The following SCN1A variants were observed in gnomAD, a reference collection of about 807,000 sequenced individuals.
SCN1A encodes sodium channel protein type 1 subunit alpha.
SCN1A carries 13 observed loss-of-function variants against 193.7 expected under a neutral mutation model. The observed-to-expected ratio is 0.07, with a 90% CI of 0.04 to 0.11. The LOEUF (loss-of-function observed/expected upper bound fraction) is 0.11, where lower values mean the gene tolerates loss of function less well. Ranked by LOEUF, SCN1A falls within the 10% of genes least tolerant of loss-of-function variation. The pLI is 1.00. For missense variants in SCN1A, 1,432 were observed against 2,451.1 expected, an observed-to-expected ratio of 0.58 and a Z score of 8.78; for synonymous variants, 781 against 843.6, an observed-to-expected ratio of 0.93 and a Z score of 1.29.
Position 166,023,781 on chromosome 2 carries a change from G to GTT in SCN1A, c.3430-8056_3430-8055dup, listed in dbSNP as rs1440246951. Among the ~76,000 whole-genome samples the GTT allele has an allele frequency of 1.5e-3, 217 of 145,996 alleles. 2 individuals carry two copies. The highest frequency in any genetic ancestry group is 5.0e-3 in the African/African-American group (200 of 39,986). On this transcript the variant is annotated intron_variant, in intron 19 of 28. Coordinates refer to ENST00000674923, the MANE Select transcript of SCN1A (RefSeq NM_001165963.4). ...ACTAAAAAAAAGAAAAAAAAATGATGTTTTTTTTTTTGATACGGAGTTTCG... is the reference window on the plus strand; with the variant it reads ...ACTAAAAAAAAGAAAAAAAAATGATGTTTTTTTTTTTTTGATACGGAGTTTCG...
intron 4 of SCN1A, among the ~76,000 whole-genome samples, chr2:166,068,698 A>G (rs539717105): frequency 1.3e-5 from 2 of 152,328 alleles, no homozygotes; most frequent in African/African-American, 4.8e-5. Flanking sequence ...TGAAATCACA[A>G]ATTCATATAT....
At chr2:166,101,559 C>T (rs546582883) in intron 2 of SCN1A, among the ~76,000 whole-genome samples, 11 of 150,280 alleles carry the variant, frequency 7.3e-5, no homozygotes, top group Non-Finnish European at 1.6e-4. Flanking sequence ...GAAGAGAGAA[C>T]CCAGAAATAA....
chr2:166,140,486 A>T (rs1692036320), intron 1 of SCN1A, among the ~76,000 whole-genome samples: 1 of 152,120 alleles, frequency 6.6e-6, no homozygotes, highest in African/African-American at 2.4e-5. Flanking sequence ...GCAAATGGAG[A>T]TCTTCCTTCT....
In SCN1A at chr2:165,991,820, C is replaced by T. The variant is rs775570109; in HGVS notation, c.5455G>A (p.Ala1819Thr). Reference protein sequence around the residue: ...YEVWEKFDPDATQFMEFEKLS... With the variant: ...YEVWEKFDPDTTQFMEFEKLS... ...TTTTCAAATTCCATGAACTGAGTTGCATCGGGATCAAACTTCTCCCAAACC... is the reference window on the plus strand; with the variant it reads ...TTTTCAAATTCCATGAACTGAGTTGTATCGGGATCAAACTTCTCCCAAACC... Residue 1819 changes from alanine (A) to threonine (T), a missense_variant, in exon 29 of 29, where the codon GCA becomes ACA. By Grantham distance (58) the Ala-to-Thr change is moderately conservative. Transcript: ENST00000674923. The T allele has an allele frequency of 1.2e-6, 2 of 1,613,934 alleles. No individual in the cohort carries two copies. Among genetic ancestry groups the T allele is most frequent in the Admixed American group, 1.7e-5 (1 of 59,976 alleles).
chr2:166,115,083 G>A (rs1353404540), intron 2 of SCN1A, among the ~76,000 whole-genome samples: 1 of 152,068 alleles, frequency 6.6e-6, no homozygotes, highest in Non-Finnish European at 1.5e-5. Context: ...GCCTCAAAAT[G>A]AGCTAGGCAC....
At chr2:166,102,257 G>A (rs1278946456) in intron 2 of SCN1A, among the ~76,000 whole-genome samples, 1 of 152,214 alleles carries the variant, frequency 6.6e-6, no homozygotes, top group Non-Finnish European at 1.5e-5. Context: ...AGCACTTTGG[G>A]AGGTTGAGGC....
intron 1 of SCN1A, among the ~76,000 whole-genome samples, chr2:166,144,747 T>C (rs956963375): frequency 5.9e-5 from 9 of 152,138 alleles, no homozygotes; most frequent in Non-Finnish European, 8.8e-5. Context: ...GAACGAGAAG[T>C]GAATTTGGCA....
At chr2:166,055,200 T>TC (rs954415206) in intron 6 of SCN1A, among the ~76,000 whole-genome samples, 3 of 151,488 alleles carry the variant, frequency 2.0e-5, no homozygotes, top group African/African-American at 7.3e-5. Flanking sequence ...GTGTTTTTTT[T>TC]TTTCTACAAG....
chr2:166,113,321 G>C (rs762556277), intron 2 of SCN1A, among the ~76,000 whole-genome samples: 3 of 152,054 alleles, frequency 2.0e-5, no homozygotes, highest in Non-Finnish European at 4.4e-5. Context: ...AAGTACTTAA[G>C]AGTAGATATC....
At chr2:166,099,884 C>A (rs1343097967) in intron 2 of SCN1A, among the ~76,000 whole-genome samples, 3 of 113,490 alleles carry the variant, frequency 2.6e-5, no homozygotes, top group Admixed American at 1.0e-4. Flanking sequence ...AATGGAAGAA[C>A]ATTCCATGCT....
Position 166,041,507 on chromosome 2 carries a change from G to T in SCN1A, c.2177-38C>A, listed in dbSNP as rs10198801. 0.31 allele frequency: 393,018 copies of T among 1,283,632 alleles called. 64,282 individuals carry two copies. The highest frequency in any genetic ancestry group is 0.33 in the Non-Finnish European group (300,231 of 901,154). The allele number at this position is 1,283,632 out of a possible 1,614,324, so 79.5% of individuals were successfully genotyped here. A position where few individuals can be genotyped will look rare whatever the true frequency, so the allele number is the denominator to read the frequency against. On this transcript the variant is annotated intron_variant, in intron 15 of 28. Coordinates refer to ENST00000674923, the MANE Select transcript of SCN1A (RefSeq NM_001165963.4). ...AAAAAAAAAAAAGAACCACCAAAAG[G>T]TATACTTTATACACACACATTTATT...
intron 25 of SCN1A, 86 bp from the exon 26 acceptor site, chr2:165,998,261 A>C: frequency 2.5e-6 from 3 of 1,181,466 alleles, no homozygotes. Context: ...CAATAGAAAA[A>C]ATTATTCTTA....
intron 2 of SCN1A, among the ~76,000 whole-genome samples, chr2:166,078,019 C>T (rs2020036): frequency 0.49 from 73,949 of 151,638 alleles, 19,558 homozygotes; most frequent in East Asian, 0.73. Context: ...GACAAAACTA[C>T]AGAGACAATA....
chr2:166,048,349 C>T (rs1316763377), intron 10 of SCN1A, among the ~76,000 whole-genome samples: 1 of 152,096 alleles, frequency 6.6e-6, no homozygotes, highest in African/African-American at 2.4e-5. Context: ...TCCTCTCCCT[C>T]TTCCCACCTT....
intron 2 of SCN1A, among the ~76,000 whole-genome samples, chr2:166,095,124 A>G (rs912892645): frequency 2.0e-5 from 3 of 152,370 alleles, no homozygotes; most frequent in East Asian, 1.9e-4. Flanking sequence ...ATCTTTCCAT[A>G]GGGATAAAAA....
chr2:165,989,708 T>C lies in SCN1A; in HGVS notation c.*1537A>G, dbSNP rs1038516647. The C allele has an allele frequency of 5.2e-5, 8 of 152,584 alleles. No homozygotes were observed. Among genetic ancestry groups the C allele is most frequent in the African/African-American group, 1.9e-4 (8 of 41,460 alleles). The allele number at this position is 152,584 out of a possible 1,614,324, so 9.5% of individuals were successfully genotyped here. ...TTAGCAAATTTCTTTCATGAAAAAG[T>C]ACTATGGACAGAAAGTAAGAAAAGT... On this transcript the variant is annotated 3_prime_UTR_variant, in exon 29 of 29. Transcript: ENST00000674923.
intron 22 of SCN1A, 75 bp from the exon 23 acceptor site, chr2:166,009,916 G>A: frequency 2.2e-6 from 3 of 1,390,850 alleles, no homozygotes; most frequent in Non-Finnish European, 2.0e-6. Flanking sequence ...AATACAACAA[G>A]TATAATTTTT....
intron 2 of SCN1A, among the ~76,000 whole-genome samples, chr2:166,115,536 T>C (rs1055182720): frequency 6.6e-6 from 1 of 152,166 alleles, no homozygotes; most frequent in Non-Finnish European, 1.5e-5. Flanking sequence ...TCAATACTCA[T>C]AGTATATATG....
In SCN1A at chr2:166,090,697, C is replaced by T. The variant is rs541271061; in HGVS notation, c.-141-12896G>A. Among the ~76,000 whole-genome samples the T allele has an allele frequency of 1.2e-4, 19 of 152,256 alleles. No homozygotes were observed. The South Asian group carries it at 3.9e-3, about 32-fold the overall frequency. Reference sequence around the variant, plus strand: ...CAAACTTTAAACCCCCTTTTCACCTCCCATGGTACCCAGAAGAGTGATAGG... The same window carrying T: ...CAAACTTTAAACCCCCTTTTCACCTTCCATGGTACCCAGAAGAGTGATAGG... On this transcript the variant is annotated intron_variant, in intron 2 of 28. Transcript: ENST00000674923.
Sources: allele counts gnomAD v4.1 joint callset (sites outside exome capture counted in the v4.1 genomes callset), GRCh38; gene constraint gnomAD v4.1.1; transcripts MANE v1.5; gene names NCBI Gene and HGNC (gene_info 2026-07-23, HGNC 2026-07-21).